OTOA: variants seen among roughly 807,000 people sequenced by gnomAD.
OTOA encodes otoancorin.
Under a neutral mutation model 110.8 loss-of-function variants are expected in OTOA, and 70 were observed. The ratio of observed to expected loss-of-function variants is 0.63; its 90% CI spans 0.52 to 0.77. The LOEUF (loss-of-function observed/expected upper bound fraction) is 0.77, where lower values mean the gene tolerates loss of function less well. OTOA is among the 30% of genes least tolerant of loss of function. The probability of loss-of-function intolerance (pLI) is 0.00; values close to 1 mark genes in which losing one functional copy is unlikely to be tolerated. For missense variants in OTOA, 917 were observed against 1,075.8 expected (o/e 0.85, Z 2.06); for synonymous variants, 373 against 431.5 (o/e 0.86, Z 1.68).
intron 17 of OTOA, 26 bp from the exon 18 acceptor site, chr16:21,722,879 A>G (rs746863566): frequency 6.2e-7 from 1 of 1,606,964 alleles, no homozygotes; most frequent in Admixed American, 1.7e-5. Context: ...ACTGCATTAA[A>G]TCCCCAGAAC....
At chr16:21,684,467 T>C in intron 6 of OTOA, 1 of 1,546,350 alleles carries the variant, frequency 6.5e-7, no homozygotes, top group African/African-American at 1.4e-5. Context: ...AGCTTGGGTT[T>C]GGGCACAGTG....
intron 1 of OTOA, among the ~76,000 whole-genome samples, chr16:21,667,015 C>G (rs1352418073): frequency 6.6e-6 from 1 of 152,096 alleles, no homozygotes; most frequent in African/African-American, 2.4e-5. Flanking sequence ...GGGCCAATGT[C>G]CCAGGGCAGC....
At position 21,685,266 on chromosome 16, in the gene OTOA, C is replaced by A; in HGVS notation, c.304C>A (p.Gln102Lys). The A allele has an allele frequency of 2.5e-6, 4 of 1,613,104 alleles. No homozygotes were observed. The highest frequency in any genetic ancestry group is 3.4e-6 in the Non-Finnish European group (4 of 1,179,360). ...VENHLEQRLH[Q>K]PQKLLEDLRK... ...AAACCACCTGGAGCAGCGTCTGCAC[C>A]AGCCCCAGAAGCTGCTGGAGGACCT... The change falls in exon 7 of 29, where the codon CAG (glutamine) becomes AAG (lysine). Residue 102 changes from glutamine (Q) to lysine (K), a missense_variant. This residue lies in a region of OTOA where 840 missense variants were observed against 910.2 expected (regional missense o/e 0.92). Coordinates refer to ENST00000646100, the MANE Select transcript of OTOA (RefSeq NM_144672.4).
chr16:21,684,854 C>T (rs1433683966), intron 6 of OTOA, among the ~76,000 whole-genome samples: 5 of 151,458 alleles, frequency 3.3e-5, no homozygotes, highest in African/African-American at 1.2e-4. Flanking sequence ...CGGGTTTAAG[C>T]GATTCTCCTG....
chr16:21,665,335 C>T (rs960401356), intron 1 of OTOA, among the ~76,000 whole-genome samples: 1 of 152,162 alleles, frequency 6.6e-6, no homozygotes, highest in Non-Finnish European at 1.5e-5. Flanking sequence ...AACCCATTTG[C>T]TCATCTGTGA....
At chr16:21,729,616 A>G (rs1390282504) in intron 20 of OTOA, 1 of 152,156 alleles carries the variant, frequency 6.6e-6, no homozygotes, top group African/African-American at 2.4e-5. Context: ...CCATTATAGT[A>G]TCATACGGAG....
Position 21,719,415 on chromosome 16 carries a change from T to G in OTOA, c.1717T>G (p.Cys573Gly), listed in dbSNP as rs1898658186. The change falls in exon 17 of 29, where the codon TGC (cysteine) becomes GGC (glycine). Residue 573 changes from cysteine to glycine, a missense_variant. By Grantham distance (159) the Cys-to-Gly change is radical (BLOSUM62 -3). This residue lies in a region of OTOA where 840 missense variants were observed against 910.2 expected (regional missense o/e 0.92). Transcript: ENST00000646100. ...SAGQLVKGVTCSHIDAMSTDF... is the reference protein window; with the variant it reads ...SAGQLVKGVTGSHIDAMSTDF... ...TGGGCAGCTGGTCAAAGGCGTGACCTGCTCACACATTGATGCCATGAGCAC... is the reference window on the plus strand; with the variant it reads ...TGGGCAGCTGGTCAAAGGCGTGACCGGCTCACACATTGATGCCATGAGCAC... 3 of 1,614,090 alleles carry G rather than the reference T, an allele frequency of 1.9e-6. No homozygotes were observed. Among genetic ancestry groups the G allele is most frequent in the African/African-American group, 1.3e-5 (1 of 74,950 alleles).
chr16:21,671,586 C>CAAAAAAA (rs369010025), intron 1 of OTOA, among the ~76,000 whole-genome samples: 6 of 77,998 alleles, frequency 7.7e-5, no homozygotes, highest in Non-Finnish European at 1.0e-4. Context: ...GACTCCATAT[C>CAAAAAAA]AAAAAAAAAA....
chr16:21,701,178 A>G, intron 11 of OTOA, 151 bp downstream of exon 11: 3 of 1,171,378 alleles, frequency 2.6e-6, no homozygotes, highest in Non-Finnish European at 3.7e-6. Context: ...ATGTGAGGAG[A>G]GGTGTCTGCA....
chr16:21,691,815 A>G (rs1897835624), intron 9 of OTOA, 128 bp downstream of exon 9: 1 of 832,596 alleles, frequency 1.2e-6, no homozygotes, highest in Non-Finnish European at 2.0e-6. Context: ...ACTGCTTCGA[A>G]AAACAGTTTG....
chr16:21,707,024 C>T (rs987613934), intron 12 of OTOA, among the ~76,000 whole-genome samples: 11 of 151,472 alleles, frequency 7.3e-5, no homozygotes, highest in East Asian at 5.8e-4. Flanking sequence ...CCACCATGCC[C>T]GGCTAATTTT....
chr16:21,697,074 G>A (rs1162420030), intron 9 of OTOA, among the ~76,000 whole-genome samples: 1 of 137,242 alleles, frequency 7.3e-6, no homozygotes, highest in Admixed American at 7.6e-5. Flanking sequence ...AGCGATGAGG[G>A]TCTTGATATA....
intron 9 of OTOA, among the ~76,000 whole-genome samples, chr16:21,696,308 G>A (rs985894501): frequency 7.2e-5 from 11 of 152,030 alleles, no homozygotes; most frequent in Non-Finnish European, 1.5e-4. Context: ...AGTACTTCTC[G>A]TGAAGGAGAT....
At chr16:21,678,637 G>A (rs775409513) in intron 2 of OTOA, 32 bp downstream of exon 2, 2 of 1,580,968 alleles carry the variant, frequency 1.3e-6, no homozygotes, top group Non-Finnish European at 1.7e-6. Flanking sequence ...ACCCTTTGTG[G>A]TTTCCACACA....
At chr16:21,751,737 A>T (rs1258856365) in intron 24 of OTOA, among the ~76,000 whole-genome samples, 198 bp from the exon 25 acceptor site, 1 of 115,996 alleles carries the variant, frequency 8.6e-6, no homozygotes, top group Non-Finnish European at 1.9e-5. Context: ...TTCATAGATT[A>T]GGGGACATAC....
At chr16:21,698,699 A>G (rs1897991985) in intron 10 of OTOA, among the ~76,000 whole-genome samples, 1 of 152,118 alleles carries the variant, frequency 6.6e-6, no homozygotes, top group Non-Finnish European at 1.5e-5. Context: ...TCTTTTACCT[A>G]GGGGGCTGGG....
intron 2 of OTOA, 110 bp from the exon 3 acceptor site, chr16:21,678,804 TA>T: frequency 7.2e-7 from 1 of 1,388,856 alleles, no homozygotes; most frequent in Non-Finnish European, 1.0e-6. Flanking sequence ...TAAAATTCAC[TA>T]AAAATTTCCT....
At chr16:21,735,250 A>G (rs1899251220) in intron 21 of OTOA, among the ~76,000 whole-genome samples, 1 of 152,068 alleles carries the variant, frequency 6.6e-6, no homozygotes, top group African/African-American at 2.4e-5. Context: ...AGGCCTCAGG[A>G]AACTTACAAT....
intron 7 of OTOA, among the ~76,000 whole-genome samples, chr16:21,686,994 T>A (rs1897727984): frequency 6.6e-6 from 1 of 152,150 alleles, no homozygotes; most frequent in African/African-American, 2.4e-5. Flanking sequence ...GTCCCTTTAA[T>A]GCATTATAGA....
Sources: allele counts gnomAD v4.1 joint callset (sites outside exome capture counted in the v4.1 genomes callset), GRCh38; gene constraint gnomAD v4.1.1; regional missense constraint gnomAD v4.1.1; transcripts MANE v1.5; gene names NCBI Gene and HGNC (gene_info 2026-07-23, HGNC 2026-07-21).